GRHL1: variants seen among roughly 807,000 people sequenced by gnomAD.
The protein encoded by GRHL1 is grainyhead like transcription factor 1.
Under a neutral mutation model 75.7 loss-of-function variants are expected in GRHL1, and 38 were observed. The ratio of observed to expected loss-of-function variants is 0.50; its 90% CI spans 0.39 to 0.66. The LOEUF is 0.66. Ranked by LOEUF, GRHL1 falls within the 30% of genes least tolerant of loss-of-function variation. The pLI, the probability that GRHL1 is intolerant of heterozygous loss-of-function variation, is 0.00. For missense variants in GRHL1, 589 were observed against 767.5 expected (o/e 0.77, Z 2.75); for synonymous variants, 266 against 279.4 (o/e 0.95, Z 0.48).
In GRHL1 at chr2:9,992,003, TC is replaced by T; in HGVS notation, c.1322-3del. 1.3e-6 allele frequency: 2 copies of T among 1,556,990 alleles called. No homozygotes were observed. The highest frequency in any genetic ancestry group is 8.7e-7 in the Non-Finnish European group (1 of 1,151,398). On this transcript the variant is annotated splice_region_variant and splice_polypyrimidine_tract_variant and intron_variant, in intron 10 of 15. Transcript: ENST00000324907. The surrounding 1 kb of genome is among the most constrained non-coding windows in gnomAD (Gnocchi z 4.6). ...TCCTCTTTTTTAATTTTTTTTTTTTTCAGTTTCTGATGTTAAAGTGCCACTG... is the reference window on the plus strand; with the variant it reads ...TCCTCTTTTTTAATTTTTTTTTTTTTAGTTTCTGATGTTAAAGTGCCACTG...
chr2:9,976,675 G>A (rs1572361772), intron 8 of GRHL1, among the ~76,000 whole-genome samples: 1 of 152,310 alleles, frequency 6.6e-6, no homozygotes, highest in African/African-American at 2.4e-5. Context: ...TAGGTTTGGG[G>A]TTGAGGCCAG....
chr2:9,987,416 G>A lies in GRHL1; in HGVS notation c.1269+1134G>A, dbSNP rs558179916. ...TGATAAGTAAAGGAGGTGCACACAG[G>A]ACCCTCTGAGCCCAGCTGCTGGAAG... is the stretch of plus-strand genomic sequence containing the variant. On this transcript the variant is annotated intron_variant, in intron 9 of 15. Coordinates refer to ENST00000324907, the MANE Select transcript of GRHL1 (RefSeq NM_198182.3). This position sits in a 1 kb window ranked among gnomAD's most constrained non-coding sequence, Gnocchi z 4.2. Among the ~76,000 whole-genome samples, 10 of 152,288 alleles carry A rather than the reference G, an allele frequency of 6.6e-5. No homozygotes were observed. The highest frequency in any genetic ancestry group is 2.4e-4 in the African/African-American group (10 of 41,554).
At chr2:9,978,558 T>C (rs940096292) in intron 8 of GRHL1, among the ~76,000 whole-genome samples, 5 of 152,204 alleles carry the variant, frequency 3.3e-5, no homozygotes, top group African/African-American at 9.6e-5. Context: ...CAGAGAACCA[T>C]TGAAGGCTAT....
chr2:9,964,866 T>C (rs964927130), intron 7 of GRHL1: 4 of 173,302 alleles, frequency 2.3e-5, no homozygotes, highest in Non-Finnish European at 4.9e-5. Flanking sequence ...TTGCCATGTA[T>C]GTAATTTTCA....
At chr2:9,996,080 A>T (rs1038237621) in intron 13 of GRHL1, 110 bp downstream of exon 13, 2 of 808,312 alleles carry the variant, frequency 2.5e-6, no homozygotes, top group Non-Finnish European at 2.1e-6. Flanking sequence ...CTTGCTTGGG[A>T]ATTCTTCCAT....
rs1311782911 is a variant in GRHL1 at position 9,995,868 on chromosome 2, G to A, written c.1500-11G>A. The A allele has an allele frequency of 6.4e-7, 1 of 1,559,192 alleles. No homozygotes were observed. ...GTTGAATCACTAACGGCATATTTTG[G>A]ATCACTGCAGCTCTGTCTTGAAAAG... On this transcript the variant is annotated splice_polypyrimidine_tract_variant and intron_variant, in intron 12 of 15. Coordinates refer to ENST00000324907, the MANE Select transcript of GRHL1 (RefSeq NM_198182.3).
Position 9,951,768 on chromosome 2 carries a change from C to T in GRHL1, c.-66C>T, listed in dbSNP as rs1023509129. On this transcript the variant is annotated 5_prime_UTR_variant, in exon 1 of 16. Coordinates refer to ENST00000324907, the MANE Select transcript of GRHL1 (RefSeq NM_198182.3). This position sits in a 1 kb window ranked among gnomAD's most constrained non-coding sequence, Gnocchi z 4.2. ...AGCCGCCGCCGCCGCCTCCTCCCCC[C>T]GGATCGGGTGTACTGTCCCAACCCG... The T allele has an allele frequency of 4.8e-6, 7 of 1,453,680 alleles. No individual in the cohort carries two copies. The East Asian group carries it at 9.2e-5, about 19-fold the overall frequency. The allele number at this position is 1,453,680 out of a possible 1,614,324, so 90.0% of individuals were successfully genotyped here. A position where few individuals can be genotyped will look rare whatever the true frequency, so the allele number is the denominator to read the frequency against.
chr2:9,970,211 C>T (rs1667666577), intron 8 of GRHL1, among the ~76,000 whole-genome samples: 1 of 152,202 alleles, frequency 6.6e-6, no homozygotes, highest in South Asian at 2.1e-4. Flanking sequence ...CCAGTGGTAA[C>T]ATCTAAATCC....
At chr2:9,972,852 T>A (rs530455804) in intron 8 of GRHL1, among the ~76,000 whole-genome samples, 1 of 152,218 alleles carries the variant, frequency 6.6e-6, no homozygotes, top group Admixed American at 6.5e-5. Flanking sequence ...GAGAACCGTG[T>A]GCAGGTACCT....
chr2:9,976,945 G>A (rs1416829200), intron 8 of GRHL1, among the ~76,000 whole-genome samples: 1 of 152,218 alleles, frequency 6.6e-6, no homozygotes, highest in Non-Finnish European at 1.5e-5. Context: ...ATAGACTGTG[G>A]TAAGCTACTG....
intron 8 of GRHL1, 137 bp downstream of exon 8, chr2:9,965,518 C>A: frequency 1.7e-6 from 1 of 598,238 alleles, no homozygotes; most frequent in Non-Finnish European, 3.0e-6. Flanking sequence ...ATCCTCTTCC[C>A]TTTTTATTCT....
Position 9,951,709 on chromosome 2 carries a change from A to G in GRHL1, c.-125A>G. Reference sequence around the variant, plus strand: ...AGCCGGCTCAGAGCGAGAAAAGCAAACCCAACCCGTCGGGGCCGCCGCTCC... The same window carrying G: ...AGCCGGCTCAGAGCGAGAAAAGCAAGCCCAACCCGTCGGGGCCGCCGCTCC... On this transcript the variant is annotated 5_prime_UTR_variant, in exon 1 of 16. Transcript: ENST00000324907. This position sits in a 1 kb window ranked among gnomAD's most constrained non-coding sequence, Gnocchi z 4.2. 1.1e-6 allele frequency: 1 copy of G among 891,756 alleles called. No individual in the cohort carries two copies. Among genetic ancestry groups the G allele is most frequent in the Admixed American group, 2.8e-5 (1 of 35,696 alleles). The allele number at this position is 891,756 out of a possible 1,614,324, so 55.2% of individuals were successfully genotyped here.
In GRHL1 at chr2:9,961,474, G is replaced by A. The variant is rs760279118; in HGVS notation, c.669+38G>A. 4.5e-6 allele frequency: 7 copies of A among 1,546,928 alleles called. No homozygotes were observed. The East Asian group carries it at 1.4e-4, about 30-fold the overall frequency. ...AAACATCTTCCTAAGACGCCTGCGT[G>A]TTTGTATAAGTATTGGGTTCCACCT... On this transcript the variant is annotated intron_variant, in intron 4 of 15. Transcript: ENST00000324907.
At chr2:9,977,194 G>A (rs1187578998) in intron 8 of GRHL1, among the ~76,000 whole-genome samples, 1 of 152,214 alleles carries the variant, frequency 6.6e-6, no homozygotes, top group Non-Finnish European at 1.5e-5. Flanking sequence ...TAAGTTTTAT[G>A]AGGATTTGAA....
At chr2:9,996,253 T>G (rs1238457964) in intron 13 of GRHL1, 63 bp from the exon 14 acceptor site, 1 of 1,196,986 alleles carries the variant, frequency 8.4e-7, no homozygotes, top group African/African-American at 1.5e-5. Flanking sequence ...CTTTTGCTCA[T>G]GTGAACTGTA....
At chr2:9,955,190 C>G (rs1666960280) in intron 2 of GRHL1, 89 bp downstream of exon 2, 2 of 833,632 alleles carry the variant, frequency 2.4e-6, no homozygotes, top group Admixed American at 2.8e-5. Flanking sequence ...TGGTAGAATG[C>G]CATGCAAGTT....
At position 9,951,763 on chromosome 2, in the gene GRHL1, C is replaced by T; in HGVS notation, c.-71C>T. ...CCCGCAGCCGCCGCCGCCGCCTCCTCCCCCCGGATCGGGTGTACTGTCCCA... is the reference window on the plus strand; with the variant it reads ...CCCGCAGCCGCCGCCGCCGCCTCCTTCCCCCGGATCGGGTGTACTGTCCCA... On this transcript the variant is annotated 5_prime_UTR_variant, in exon 1 of 16. Transcript: ENST00000324907. The surrounding 1 kb of genome is among the most constrained non-coding windows in gnomAD (Gnocchi z 4.2). 1.2e-5 allele frequency: 17 copies of T among 1,410,380 alleles called. No individual in the cohort carries two copies. The highest frequency in any genetic ancestry group is 1.6e-5 in the Non-Finnish European group (17 of 1,052,578). The allele number at this position is 1,410,380 out of a possible 1,614,324, so 87.4% of individuals were successfully genotyped here. A position where few individuals can be genotyped will look rare whatever the true frequency, so the allele number is the denominator to read the frequency against.
intron 8 of GRHL1, among the ~76,000 whole-genome samples, chr2:9,972,853 G>A (rs982376462): frequency 6.6e-6 from 1 of 152,206 alleles, no homozygotes; most frequent in Non-Finnish European, 1.5e-5. Flanking sequence ...AGAACCGTGT[G>A]CAGGTACCTC....
rs1558319768 is a variant in GRHL1 at position 9,998,501 on chromosome 2, CATATATATACGTATATATAT to C, written c.1678-462_1678-443del. 4.4e-4 allele frequency among the ~76,000 whole-genome samples: 3 copies of C among 6,892 alleles called. 1 individual carries two copies. Among genetic ancestry groups the C allele is most frequent in the African/African-American group, 2.1e-3 (3 of 1,458 alleles). 4.5% of individuals were successfully genotyped at this position (6,892 alleles called of 152,430 possible). A position where few individuals can be genotyped will look rare whatever the true frequency, so the allele number is the denominator to read the frequency against. ...ATATACATATATATACGTATATATA[CATATATATACGTATATATAT>C]ACATATATATACGTATATATACATA... On this transcript the variant is annotated intron_variant, in intron 14 of 15. Coordinates refer to ENST00000324907, the MANE Select transcript of GRHL1 (RefSeq NM_198182.3).
Sources: allele counts gnomAD v4.1 joint callset (sites outside exome capture counted in the v4.1 genomes callset), GRCh38; gene constraint gnomAD v4.1.1; non-coding constraint Gnocchi (gnomAD v3.1); transcripts MANE v1.5; gene names NCBI Gene and HGNC (gene_info 2026-07-23, HGNC 2026-07-21).